The following WWOX variants were observed in gnomAD, a reference collection of about 807,000 sequenced individuals.
WWOX encodes WW domain containing oxidoreductase.
Under a neutral mutation model 46.2 loss-of-function variants are expected in WWOX, and 69 were observed. The observed-to-expected ratio is 1.49, with a 90% CI of 1.23 to 1.82. WWOX has a LOEUF of 1.82. Ranked by LOEUF, WWOX falls within the 40% of genes most tolerant of loss-of-function variation. WWOX has a pLI of 0.00. For synonymous variants in WWOX, 359 were observed against 202.6 expected (o/e 1.77, Z -6.56); for missense variants, 919 against 542.6 (o/e 1.69, Z -6.89).
chr16:78,334,132 A>C (rs1003801440), intron 5 of WWOX, among the ~76,000 whole-genome samples: 2 of 152,238 alleles, frequency 1.3e-5, no homozygotes, highest in Non-Finnish European at 2.9e-5. Flanking sequence ...CAAAGTTTTT[A>C]AAGTGGTTAG....
chr16:78,376,046 C>A (rs1006463972), intron 5 of WWOX, among the ~76,000 whole-genome samples: 3 of 152,040 alleles, frequency 2.0e-5, no homozygotes, highest in African/African-American at 7.2e-5. Context: ...GATGGGGTTT[C>A]ACCATCATGG....
At chr16:78,555,326 T>C (rs2044269105) in intron 8 of WWOX, among the ~76,000 whole-genome samples, 2 of 152,174 alleles carry the variant, frequency 1.3e-5, no homozygotes, top group Admixed American at 1.3e-4. Flanking sequence ...ATTCTAATAC[T>C]CACATTTCCC....
At chr16:78,790,340 G>A (rs552063589) in intron 8 of WWOX, among the ~76,000 whole-genome samples, 1 of 151,848 alleles carries the variant, frequency 6.6e-6, no homozygotes, top group South Asian at 2.1e-4. Flanking sequence ...TCATCATGTT[G>A]GCCAGGCTGC....
In WWOX at chr16:78,902,993, C is replaced by A. The variant is rs567745570; in HGVS notation, c.1057-308615C>A. Among the ~76,000 whole-genome samples the A allele has an allele frequency of 4.6e-5, 7 of 152,224 alleles. No individual in the cohort carries two copies. The South Asian group carries it at 1.5e-3, about 32-fold the overall frequency. On this transcript the variant is annotated intron_variant, in intron 8 of 8. Coordinates refer to ENST00000566780, the MANE Select transcript of WWOX (RefSeq NM_016373.4). Reference sequence around the variant, plus strand: ...TCCTTTTGTTACCAGCGGAGGGTGTCCGGGTTCTTGGCATTTTGAAGAAAT... The same window carrying A: ...TCCTTTTGTTACCAGCGGAGGGTGTACGGGTTCTTGGCATTTTGAAGAAAT...
intron 8 of WWOX, among the ~76,000 whole-genome samples, chr16:78,869,837 G>T (rs1283361097): frequency 6.6e-6 from 1 of 152,210 alleles, no homozygotes; most frequent in African/African-American, 2.4e-5. Flanking sequence ...GTAAGTTTGT[G>T]TGTGTATGTT....
chr16:78,663,074 T>G (rs2047254045), intron 8 of WWOX, among the ~76,000 whole-genome samples: 1 of 152,228 alleles, frequency 6.6e-6, no homozygotes, highest in African/African-American at 2.4e-5. Flanking sequence ...AGTCACAAAC[T>G]TGTGCAGACA....
intron 8 of WWOX, among the ~76,000 whole-genome samples, chr16:78,870,240 G>A (rs967953562): frequency 2.0e-5 from 3 of 152,140 alleles, no homozygotes; most frequent in Admixed American, 1.3e-4. Flanking sequence ...CAGGACTCTG[G>A]TTTCTGTTTT....
chr16:79,174,044 T>C (rs983126061), intron 8 of WWOX, among the ~76,000 whole-genome samples: 1 of 152,228 alleles, frequency 6.6e-6, no homozygotes, highest in Non-Finnish European at 1.5e-5. Context: ...TACGCAATTG[T>C]AAGTGGTGCT....
Position 78,613,581 on chromosome 16 carries a change from C to T in WWOX, c.1056+180829C>T, listed in dbSNP as rs143704036. Among the ~76,000 whole-genome samples the T allele has an allele frequency of 5.4e-3, 825 of 152,310 alleles. 3 individuals carry two copies. The highest frequency in any genetic ancestry group is 0.01 in the Middle Eastern group (3 of 294). On this transcript the variant is annotated intron_variant, in intron 8 of 8. Coordinates refer to ENST00000566780, the MANE Select transcript of WWOX (RefSeq NM_016373.4). ...ATTGACCCATAGTGGGTGTTCTCCACTGGTTCAACACACCTGAATTCCGGA... is the reference window on the plus strand; with the variant it reads ...ATTGACCCATAGTGGGTGTTCTCCATTGGTTCAACACACCTGAATTCCGGA...
chr16:79,037,166 C>T (rs560208008), intron 8 of WWOX, among the ~76,000 whole-genome samples: 2 of 152,270 alleles, frequency 1.3e-5, no homozygotes, highest in Non-Finnish European at 2.9e-5. Flanking sequence ...CCTTGACTGC[C>T]AGCACCATCA....
chr16:79,025,481 C>T (rs530188383), intron 8 of WWOX, among the ~76,000 whole-genome samples: 16 of 152,152 alleles, frequency 1.1e-4, no homozygotes, highest in African/African-American at 2.6e-4. Context: ...GAAGAGAAGG[C>T]GGTGTGAAGG....
In WWOX at chr16:78,210,484, C is replaced by T. The variant is rs565710971; in HGVS notation, c.516+46195C>T. Among the ~76,000 whole-genome samples, 13 of 152,196 alleles carry T rather than the reference C, an allele frequency of 8.5e-5. No individual in the cohort carries two copies. In the South Asian group the frequency reaches 2.5e-3, roughly 29 times the overall value. ...CCACAGTTGAAACCTGACACACACA[C>T]GCGCGTGCACACACACAGACACACA... On this transcript the variant is annotated intron_variant, in intron 5 of 8. Coordinates refer to ENST00000566780, the MANE Select transcript of WWOX (RefSeq NM_016373.4).
intron 8 of WWOX, among the ~76,000 whole-genome samples, chr16:78,655,976 C>G (rs188881302): frequency 6.6e-6 from 1 of 151,808 alleles, no homozygotes; most frequent in Non-Finnish European, 1.5e-5. Context: ...CTTGGTTTTG[C>G]CAGGGGGAAA....
intron 8 of WWOX, among the ~76,000 whole-genome samples, chr16:78,760,950 C>G (rs529349408): frequency 6.6e-6 from 1 of 152,152 alleles, no homozygotes; most frequent in African/African-American, 2.4e-5. Context: ...AGGGAAACTC[C>G]GCTTTATAAT....
intron 8 of WWOX, among the ~76,000 whole-genome samples, chr16:78,464,038 T>C (rs1296562127): frequency 6.6e-6 from 1 of 152,012 alleles, no homozygotes; most frequent in Non-Finnish European, 1.5e-5. Flanking sequence ...TGGGCTGTTG[T>C]AGAGGAGATG....
chr16:79,195,258 C>A (rs1398487334), intron 8 of WWOX, among the ~76,000 whole-genome samples: 1 of 151,990 alleles, frequency 6.6e-6, no homozygotes, highest in Non-Finnish European at 1.5e-5. Flanking sequence ...AGGATCCACA[C>A]CTGTAGGGGA....
chr16:78,767,962 A>G (rs1370907668), intron 8 of WWOX, among the ~76,000 whole-genome samples: 2 of 152,130 alleles, frequency 1.3e-5, no homozygotes, highest in Non-Finnish European at 2.9e-5. Flanking sequence ...GACTGTGCTA[A>G]TGTCTTCTAG....
At chr16:78,550,797 C>G (rs2044155323) in intron 8 of WWOX, 1 of 151,848 alleles carries the variant, frequency 6.6e-6, no homozygotes, top group East Asian at 1.9e-4. Context: ...GGGAAAAAGT[C>G]AGGAGTGTGG....
chr16:78,704,829 T>G (rs2048297713), intron 8 of WWOX, among the ~76,000 whole-genome samples: 1 of 152,104 alleles, frequency 6.6e-6, no homozygotes, highest in South Asian at 2.1e-4. Flanking sequence ...CTGAGCAGTT[T>G]CAGAGCATTG....
Sources: gnomAD v4.1 joint callset for allele counts (sites outside exome capture counted in the v4.1 genomes callset) on GRCh38, gnomAD v4.1.1 for gene constraint, MANE v1.5 for transcripts, NCBI Gene and HGNC (gene_info 2026-07-23, HGNC 2026-07-21) for gene names.